The following MXRA5 variants were observed in gnomAD, a reference collection of about 807,000 sequenced individuals.
MXRA5 encodes matrix-remodeling-associated protein 5.
Under a neutral mutation model 112.5 loss-of-function variants are expected in MXRA5, and 41 were observed. The ratio of observed to expected loss-of-function variants is 0.36; its 90% CI spans 0.28 to 0.47. The LOEUF is 0.47. Ranked by LOEUF, MXRA5 falls within the 20% of genes least tolerant of loss-of-function variation. The pLI is 0.99. For missense variants in MXRA5, 2,150 were observed against 2,251.0 expected (o/e 0.96, Z 0.91); for synonymous variants, 862 against 900.8 (o/e 0.96, Z 0.77).
In MXRA5 at chrX:3,338,622, A is replaced by G. The variant is rs1367159942; in HGVS notation, c.188+5024T>C. 4.5e-5 allele frequency among the ~76,000 whole-genome samples: 5 copies of G among 110,045 alleles called. 1 individual carries two copies. Among genetic ancestry groups the G allele is most frequent in the Non-Finnish European group, 9.5e-5 (5 of 52,905 alleles). ...AATAGATGATAGAGAATAGATAGGTAGATTAATAGATGATAGACAGATAGA... is the reference window on the plus strand; with the variant it reads ...AATAGATGATAGAGAATAGATAGGTGGATTAATAGATGATAGACAGATAGA... On this transcript the variant is annotated intron_variant, in intron 2 of 6. Coordinates refer to ENST00000217939, the MANE Select transcript of MXRA5 (RefSeq NM_015419.4).
At chrX:3,345,331 G>T (rs1180054327) in intron 1 of MXRA5, among the ~76,000 whole-genome samples, 6 of 112,738 alleles carry the variant, frequency 5.3e-5, no homozygotes, top group African/African-American at 1.9e-4. Flanking sequence ...GCCTCTGGGC[G>T]CTGGAACAAA....
At chrX:3,327,305 T>G (rs1921537132) in intron 4 of MXRA5, among the ~76,000 whole-genome samples, 1 of 111,887 alleles carries the variant, frequency 8.9e-6, no homozygotes, top group African/African-American at 3.2e-5. Flanking sequence ...CCAACACACA[T>G]ACACATACTC....
chrX:3,330,313 C>A lies in MXRA5; in HGVS notation c.414G>T (p.Lys138Asn). ...AAGCTTGAGGGTGGATAAACTCGAT[C>A]TTGTTGTGGTCAATGTGCAGCCTCA... Reference protein sequence around the residue: ...NLMRLHIDHNKIEFIHPQAFN... With the variant: ...NLMRLHIDHNNIEFIHPQAFN... The change falls in exon 4 of 7, where the codon AAG becomes AAT. Residue 138 changes from lysine to asparagine, a missense_variant. Transcript: ENST00000217939. The A allele has an allele frequency of 1.7e-6, 2 of 1,211,217 alleles. No individual in the cohort carries two copies. Among genetic ancestry groups the A allele is most frequent in the Non-Finnish European group, 2.2e-6 (2 of 895,327 alleles).
At chrX:3,328,985 C>G (rs1202379119) in intron 4 of MXRA5, among the ~76,000 whole-genome samples, 1 of 69,428 alleles carries the variant, frequency 1.4e-5, no homozygotes, top group African/African-American at 5.9e-5. Context: ...AAAGAAGGAG[C>G]GAGGGAGGGA....
In MXRA5 at chrX:3,318,698, A is replaced by G. The variant is rs181893232; in HGVS notation, c.5678-695T>C. On this transcript the variant is annotated intron_variant, in intron 5 of 6. Coordinates refer to ENST00000217939, the MANE Select transcript of MXRA5 (RefSeq NM_015419.4). ...CCACTACTGGGTATTTATCCAAAGG[A>G]AATGACGTCAGTATGTTGACAAGAC... Among the ~76,000 whole-genome samples, 826 of 111,871 alleles carry G rather than the reference A, an allele frequency of 7.4e-3. 6 individuals carry two copies. The highest frequency in any genetic ancestry group is 9.0e-3 in the Non-Finnish European group (479 of 53,173).
Position 3,309,915 on chromosome X carries a change from G to A in MXRA5, c.8288C>T (p.Ala2763Val). The A allele has an allele frequency of 8.3e-7, 1 of 1,211,738 alleles. No individual in the cohort carries two copies. The highest frequency in any genetic ancestry group is 1.1e-6 in the Non-Finnish European group (1 of 895,558). The stretch of plus-strand genomic sequence containing the variant: ...ATCCGGTAACTCCCACGTGATGTCA[G>A]CTTTGGGAATCCCCATAGCCATGCA... ...LNCMAMGIPK[A>V]DITWELPDKS... Residue 2763 changes from alanine (A) to valine (V), a missense_variant, in exon 7 of 7, where the codon GCT becomes GTT. Around this residue, in one of 6 missense-constraint regions of MXRA5, gnomAD observed 178 missense variants for 198.2 expected, o/e 0.90. Coordinates refer to ENST00000217939, the MANE Select transcript of MXRA5 (RefSeq NM_015419.4).
At chrX:3,346,332 T>C (rs1170511455) in intron 1 of MXRA5, among the ~76,000 whole-genome samples, 183 bp downstream of exon 1, 1 of 112,450 alleles carries the variant, frequency 8.9e-6, no homozygotes, top group Non-Finnish European at 1.9e-5. Context: ...CTTAGCTACT[T>C]AAAATTGCAG....
rs752980495 is a variant in MXRA5, at chrX:3,309,770, C to T, written c.8433G>A (p.Met2811Ile). ...AGTCACTGCCGAGAATGTTTTTTGC[C>T]ATGCACTTGTAGAAGCCGGCATCTC... ...TQRDAGFYKC[M>I]AKNILGSDSK... Residue 2811 changes from methionine to isoleucine, a missense_variant, in exon 7 of 7, where the codon ATG becomes ATA. Met to Ile is a conservative substitution (Grantham distance 10). Transcript: ENST00000217939. 34 of 1,209,239 alleles carry T rather than the reference C, an allele frequency of 2.8e-5. No individual in the cohort carries two copies. Among genetic ancestry groups the T allele is most frequent in the Non-Finnish European group, 3.7e-5 (33 of 895,068 alleles).
At position 3,330,013 on chromosome X, in the gene MXRA5, C is replaced by A. The variant is rs748284503; in HGVS notation, c.709+5G>T. On this transcript the variant is annotated splice_donor_5th_base_variant and intron_variant, in intron 4 of 6. Coordinates refer to ENST00000217939, the MANE Select transcript of MXRA5 (RefSeq NM_015419.4). ...TAGGAGTGGTCTGCTCTCCTCTCTT[C>A]TTACCTCTGGATTTTGCATCCCATT... 2 of 1,207,988 alleles carry A rather than the reference C, an allele frequency of 1.7e-6. No homozygotes were observed. The highest frequency in any genetic ancestry group is 5.9e-5 in the East Asian group (2 of 33,838).
intron 6 of MXRA5, among the ~76,000 whole-genome samples, chrX:3,314,488 A>G (rs952177054): frequency 1.3e-4 from 15 of 112,266 alleles, no homozygotes; most frequent in African/African-American, 4.2e-4. Context: ...ACAGATAGAC[A>G]GATAGATACG....
In MXRA5 at chrX:3,322,085, C is replaced by A. The variant is rs780640029; in HGVS notation, c.3600G>T (p.Leu1200=). Residue 1200 remains leucine, a synonymous_variant, in exon 5 of 7, where the codon CTG becomes CTT. Coordinates refer to ENST00000217939, the MANE Select transcript of MXRA5 (RefSeq NM_015419.4). ...IKISSQVESS[L]VPTAWVDNTV... Reference sequence around the variant, plus strand: ...TGTTATCCACCCAAGCTGTAGGAACCAGAGAACTCTCCACTTGACTTGAAA... The same window carrying A: ...TGTTATCCACCCAAGCTGTAGGAACAAGAGAACTCTCCACTTGACTTGAAA... The A allele has an allele frequency of 8.3e-7, 1 of 1,210,898 alleles. No homozygotes were observed. The highest frequency in any genetic ancestry group is 3.0e-5 in the East Asian group (1 of 33,824).
chrX:3,346,401 T>G (rs1455976222), intron 1 of MXRA5, 114 bp downstream of exon 1: 1 of 392,281 alleles, frequency 2.5e-6, no homozygotes, highest in East Asian at 2.0e-4. Context: ...CGGTGCAATC[T>G]GCCTGCATGC....
chrX:3,336,827 G>C (rs1343952850), intron 2 of MXRA5, among the ~76,000 whole-genome samples: 1 of 111,794 alleles, frequency 8.9e-6, no homozygotes, highest in Non-Finnish European at 1.9e-5. Context: ...AAATAAGGCA[G>C]GTGCTGTTTG....
chrX:3,315,383 T>TG (rs1569181321), intron 6 of MXRA5, among the ~76,000 whole-genome samples: 7 of 41,737 alleles, frequency 1.7e-4, no homozygotes, highest in South Asian at 1.0e-3. Flanking sequence ...AATAGATAGA[T>TG]AGATAGATGA....
At chrX:3,338,834 G>A (rs1921844070) in intron 2 of MXRA5, among the ~76,000 whole-genome samples, 1 of 110,275 alleles carries the variant, frequency 9.1e-6, no homozygotes, top group African/African-American at 3.3e-5. Flanking sequence ...ATGATAGATA[G>A]ATACATAGAT....
chrX:3,317,352 C>T lies in MXRA5; in HGVS notation c.6329G>A (p.Arg2110His), dbSNP rs763919603. The T allele has an allele frequency of 2.6e-5, 31 of 1,208,358 alleles. No homozygotes were observed. In the East Asian group the frequency reaches 8.0e-4, roughly 31 times the overall value. Residue 2110 changes from arginine to histidine, a missense_variant, in exon 6 of 7, where the codon CGC becomes CAC. Arg to His is a conservative substitution (Grantham distance 29, BLOSUM62 0). Coordinates refer to ENST00000217939, the MANE Select transcript of MXRA5 (RefSeq NM_015419.4). ...CCCGCTGTCCTTGGGCGCGAGGTTGCGGATGTAGAGCGTCCCGTTGGGGAA... is the reference window on the plus strand; with the variant it reads ...CCCGCTGTCCTTGGGCGCGAGGTTGTGGATGTAGAGCGTCCCGTTGGGGAA... The part of the protein sequence containing the change: ...FVFPNGTLYI[R>H]NLAPKDSGRY...
rs145010278 is a variant in MXRA5 at position 3,320,297 on chromosome X, C to T, written c.5388G>A (p.Thr1796=). The change falls in exon 5 of 7, where the codon ACG becomes ACA. Residue 1796 remains threonine, a synonymous_variant. Coordinates refer to ENST00000217939, the MANE Select transcript of MXRA5 (RefSeq NM_015419.4). Reference sequence around the variant, plus strand: ...TCTGTAAGTTAGTTGAGGGTGATCCCGTGGTCTGCGGAGTGTGCAACAACG... The same window carrying T: ...TCTGTAAGTTAGTTGAGGGTGATCCTGTGGTCTGCGGAGTGTGCAACAACG... The part of the protein sequence containing the change: ...APPLLHTPQT[T]GSPSTNLQNI... 1.1e-3 allele frequency: 1,317 copies of T among 1,209,740 alleles called. 9 individuals are homozygous for T. The African/African-American group carries it at 0.019, about 18-fold the overall frequency.
At chrX:3,339,896 T>TGCC (rs1921874400) in intron 2 of MXRA5, among the ~76,000 whole-genome samples, 1 of 112,200 alleles carries the variant, frequency 8.9e-6, no homozygotes, top group African/African-American at 3.2e-5. Context: ...ACTGAATGTA[T>TGCC]AACCAACTCT....
At position 3,317,160 on chromosome X, in the gene MXRA5, G is replaced by C. The variant is rs953872327; in HGVS notation, c.6521C>G (p.Pro2174Arg). ...CAGCCTCCAGAGGATGCGCGGCCAG[G>C]GGTCCCCCGAGGCGCTGCAGTCCAG... ...LKLDCSASGDPWPRILWRLPS... is the reference protein window; with the variant it reads ...LKLDCSASGDRWPRILWRLPS... The change falls in exon 6 of 7, where the codon CCC becomes CGC. Residue 2174 changes from proline (P) to arginine (R), a missense_variant. This residue lies in a region of MXRA5 where 1,485 missense variants were observed against 1,471.6 expected (regional missense o/e 1.01). Transcript: ENST00000217939. 1 of 1,203,106 alleles carries C rather than the reference G, an allele frequency of 8.3e-7. No individual in the cohort carries two copies. Among genetic ancestry groups the C allele is most frequent in the East Asian group, 3.0e-5 (1 of 33,488 alleles).
Sources: gnomAD v4.1 joint callset for allele counts (sites outside exome capture counted in the v4.1 genomes callset) on GRCh38, gnomAD v4.1.1 for gene constraint, gnomAD v4.1.1 regional missense constraint, MANE v1.5 for transcripts, NCBI Gene and HGNC (gene_info 2026-07-23, HGNC 2026-07-21) for gene names.